Variants in LRTM3 observed in about 807,000 individuals in gnomAD.
The protein encoded by LRTM3 is leucine-rich repeat transmembrane protein 3.
the LRTM3 span, among the ~76,000 whole-genome samples, chr13:102,756,828 C>T: frequency 2.6e-5 from 4 of 151,978 alleles, no homozygotes; most frequent in East Asian, 7.7e-4. Flanking sequence ...TCTTCAACAC[C>T]ACCCCCTAAC....
At chr13:102,743,002 A>G in the LRTM3 span, 82 of 1,543,392 alleles carry the variant, frequency 5.3e-5, no homozygotes, top group Non-Finnish European at 7.2e-5. Context: ...TTTTTTCTGA[A>G]TTCCCTTTGT....
At chr13:102,753,829 C>T in the LRTM3 span, among the ~76,000 whole-genome samples, 1 of 152,122 alleles carries the variant, frequency 6.6e-6, no homozygotes, top group East Asian at 1.9e-4. Flanking sequence ...CCTGTTCTAC[C>T]TCAGATTATT....
At chr13:102,729,885 G>A in the LRTM3 span, 1 of 1,551,732 alleles carries the variant, frequency 6.4e-7, no homozygotes, top group African/African-American at 1.4e-5. Flanking sequence ...TGGCTTTCTG[G>A]GTGCCTGTGA....
At chr13:102,740,837 T>C in the LRTM3 span, 1 of 1,549,910 alleles carries the variant, frequency 6.5e-7, no homozygotes, top group Non-Finnish European at 8.7e-7. Context: ...CTTTAATGCT[T>C]TCTTTACCTT....
At chr13:102,730,526 A>G in the LRTM3 span, 1 of 1,551,674 alleles carries the variant, frequency 6.4e-7, no homozygotes, top group Non-Finnish European at 8.7e-7. Context: ...TTCTGGAGTC[A>G]CATGGAATTC....
chr13:102,738,606 T>C, the LRTM3 span: 2 of 1,550,360 alleles, frequency 1.3e-6, no homozygotes, highest in Non-Finnish European at 1.7e-6. Flanking sequence ...TCTAGGGCCT[T>C]TTTTACACTG....
At chr13:102,730,391 A>T in the LRTM3 span, 9 of 1,550,950 alleles carry the variant, frequency 5.8e-6, no homozygotes, top group Non-Finnish European at 7.8e-6. Context: ...CTGAATATCA[A>T]CAAAATCTTC....
At chr13:102,741,271 G>C in the LRTM3 span, 3 of 1,550,244 alleles carry the variant, frequency 1.9e-6, no homozygotes, top group Non-Finnish European at 2.6e-6. Flanking sequence ...TTTCAGAGAT[G>C]GTAACATTTT....
chr13:102,740,751 C>A, the LRTM3 span: 1 of 1,548,774 alleles, frequency 6.5e-7, no homozygotes. Context: ...TATTTTTCTT[C>A]CTTTTCTGCC....
the LRTM3 span, chr13:102,746,101 A>G: frequency 6.4e-7 from 1 of 1,551,026 alleles, no homozygotes; most frequent in Non-Finnish European, 8.7e-7. Flanking sequence ...CTTCTAAAGG[A>G]CCCATTTGGA....
the LRTM3 span, chr13:102,746,593 A>G: frequency 6.4e-7 from 1 of 1,551,032 alleles, no homozygotes; most frequent in Non-Finnish European, 8.7e-7. Flanking sequence ...CAGCCTTTGT[A>G]TTTACACATT....
the LRTM3 span, chr13:102,746,967 C>T: frequency 1.9e-6 from 3 of 1,551,176 alleles, no homozygotes; most frequent in South Asian, 3.6e-5. Context: ...ATAATAGTTT[C>T]TGTGAATGGG....
chr13:102,733,539 T>C, the LRTM3 span: 2 of 1,551,292 alleles, frequency 1.3e-6, no homozygotes, highest in Non-Finnish European at 1.7e-6. Flanking sequence ...TGGTTTAAGT[T>C]ATCCATTATT....
chr13:102,739,372 A>G, the LRTM3 span: 6 of 1,550,112 alleles, frequency 3.9e-6, no homozygotes, highest in South Asian at 1.2e-5. Context: ...AACTGTCTCT[A>G]TTAATTGACT....
At chr13:102,732,613 C>T in the LRTM3 span, 1 of 1,551,056 alleles carries the variant, frequency 6.4e-7, no homozygotes. Flanking sequence ...GGCTGTTCTC[C>T]CTATGAGTGA....
chr13:102,729,886 G>A, the LRTM3 span: 2 of 1,551,952 alleles, frequency 1.3e-6, no homozygotes, highest in South Asian at 1.2e-5. Flanking sequence ...GGCTTTCTGG[G>A]TGCCTGTGAG....
At chr13:102,742,743 T>A in the LRTM3 span, 3 of 1,550,584 alleles carry the variant, frequency 1.9e-6, no homozygotes, top group African/African-American at 4.1e-5. Context: ...ATTTTAAGTC[T>A]GCCATTCTGT....
the LRTM3 span, chr13:102,737,937 C>G: frequency 1.3e-6 from 2 of 1,550,992 alleles, no homozygotes; most frequent in Non-Finnish European, 1.7e-6. Flanking sequence ...TCCATTTTCC[C>G]TTGCTCTATG....
chr13:102,730,785 G>A, the LRTM3 span: 1 of 1,551,494 alleles, frequency 6.4e-7, no homozygotes, highest in Non-Finnish European at 8.7e-7. Flanking sequence ...AGTACATTTG[G>A]CTTAGGGAAC....
Sources: gnomAD v4.1 joint callset for allele counts (sites outside exome capture counted in the v4.1 genomes callset) on GRCh38, gnomAD v4.1.1 for gene constraint, MANE v1.5 for transcripts, NCBI Gene and HGNC (gene_info 2026-07-23, HGNC 2026-07-21) for gene names.